Variants in MAPK10 observed in about 807,000 individuals in gnomAD.
MAPK10 encodes the protein mitogen-activated protein kinase 10.
A neutral mutation model predicts 59.3 loss-of-function variants in MAPK10; 25 were observed. That is an observed-to-expected ratio of 0.42 (90% CI 0.31 to 0.59). The LOEUF (loss-of-function observed/expected upper bound fraction) is 0.59, where lower values mean the gene tolerates loss of function less well. MAPK10 is among the 20% of genes least tolerant of loss of function. The probability of loss-of-function intolerance (pLI) is 0.15; values close to 1 mark genes in which losing one functional copy is unlikely to be tolerated. For synonymous variants in MAPK10, 190 were observed against 200.5 expected (o/e 0.95, Z 0.44); for missense variants, 351 against 568.9 (o/e 0.62, Z 3.90).
chr4:86,237,466 C>T (rs973886914), intron 2 of MAPK10, among the ~76,000 whole-genome samples: 33 of 152,194 alleles, frequency 2.2e-4, no homozygotes, highest in Non-Finnish European at 4.1e-4. Context: ...ATTTACATTC[C>T]CACCAACAGT....
chr4:86,169,677 A>G (rs899916901), intron 3 of MAPK10, among the ~76,000 whole-genome samples: 15 of 151,854 alleles, frequency 9.9e-5, no homozygotes, highest in African/African-American at 3.6e-4. Context: ...CAATGTAGCA[A>G]GGCAGGCCAA....
chr4:86,134,689 G>T (rs569240942), intron 4 of MAPK10, among the ~76,000 whole-genome samples: 215 of 152,326 alleles, frequency 1.4e-3, no homozygotes, highest in African/African-American at 4.7e-3. Context: ...GAGCCAAGAT[G>T]GCCGAATAGG....
chr4:86,279,850 C>T (rs1454370035), intron 2 of MAPK10, among the ~76,000 whole-genome samples: 2 of 151,928 alleles, frequency 1.3e-5, no homozygotes, highest in Non-Finnish European at 2.9e-5. Context: ...TCTCTGACTA[C>T]GTTGTTTCCC....
intron 1 of MAPK10, chr4:86,399,792 C>T (rs1217881332): frequency 6.6e-6 from 1 of 152,116 alleles, no homozygotes; most frequent in Non-Finnish European, 1.5e-5. Flanking sequence ...CAAATGCTGT[C>T]CTAGTGGTTT....
At chr4:86,362,756 C>T (rs1200918787), upstream of MAPK10, among the ~76,000 whole-genome samples, 2 of 152,146 alleles carry the variant, frequency 1.3e-5, no homozygotes, top group Non-Finnish European at 2.9e-5. Flanking sequence ...CCATTTCATG[C>T]CCACAAAAGT....
chr4:86,147,587 TA>T (rs1562328061), intron 4 of MAPK10, among the ~76,000 whole-genome samples: 1 of 152,212 alleles, frequency 6.6e-6, no homozygotes, highest in East Asian at 1.9e-4. Flanking sequence ...TATTAACTTA[TA>T]GTGACTATTT....
intron 1 of MAPK10, among the ~76,000 whole-genome samples, chr4:86,355,711 C>A (rs1343140478): frequency 2.0e-5 from 3 of 152,068 alleles, no homozygotes; most frequent in Non-Finnish European, 4.4e-5. Context: ...GGGGATTAAA[C>A]CTTAGTAGAG....
chr4:86,139,646 T>TCAA (rs2063145620), intron 4 of MAPK10, among the ~76,000 whole-genome samples: 1 of 152,044 alleles, frequency 6.6e-6, no homozygotes, highest in Admixed American at 6.6e-5. Context: ...GTCTAAAACA[T>TCAA]CAAAAGCAAT....
intron 1 of MAPK10, among the ~76,000 whole-genome samples, chr4:86,558,676 T>C (rs1353555821): frequency 2.0e-5 from 3 of 152,144 alleles, no homozygotes; most frequent in Admixed American, 2.0e-4. Flanking sequence ...CTCTGAGAAG[T>C]TTATATTGCC....
intron 2 of MAPK10, among the ~76,000 whole-genome samples, chr4:86,350,156 A>G (rs1730456051): frequency 6.6e-6 from 1 of 151,982 alleles, no homozygotes; most frequent in South Asian, 2.1e-4. Context: ...GGTTCAAGCG[A>G]TTCTCCTGCC....
intron 2 of MAPK10, among the ~76,000 whole-genome samples, chr4:86,214,529 A>AC (rs1412300424): frequency 1.3e-5 from 2 of 151,206 alleles, no homozygotes; most frequent in Non-Finnish European, 3.0e-5. Flanking sequence ...AAAAAAAAAA[A>AC]AAAAAACTGT....
chr4:86,351,939 A>G (rs1013087623), intron 2 of MAPK10, among the ~76,000 whole-genome samples: 2 of 152,322 alleles, frequency 1.3e-5, no homozygotes, highest in East Asian at 3.9e-4. Context: ...ACCAAAAAAC[A>G]AAAAATGGAA....
chr4:86,298,428 AC>A (rs746534517), intron 2 of MAPK10, among the ~76,000 whole-genome samples: 3 of 151,902 alleles, frequency 2.0e-5, no homozygotes, highest in Non-Finnish European at 4.4e-5. Flanking sequence ...CATATTAACC[AC>A]CCCTGTGACC....
chr4:86,261,348 A>T (rs544972117), intron 2 of MAPK10, among the ~76,000 whole-genome samples: 75 of 152,344 alleles, frequency 4.9e-4, no homozygotes, highest in African/African-American at 1.4e-3. Context: ...AACAGGAGCT[A>T]AATTTGTCTG....
intron 2 of MAPK10, among the ~76,000 whole-genome samples, chr4:86,216,401 A>AG (rs1207237312): frequency 6.6e-6 from 1 of 151,210 alleles, no homozygotes; most frequent in Non-Finnish European, 1.5e-5. Context: ...TGATAGTTGC[A>AG]CATGATCAAT....
intron 2 of MAPK10, among the ~76,000 whole-genome samples, chr4:86,227,205 C>T (rs1421121187): frequency 6.6e-6 from 1 of 152,120 alleles, no homozygotes; most frequent in African/African-American, 2.4e-5. Flanking sequence ...AAAAAAGACA[C>T]GGCCGGGTGG....
intron 9 of MAPK10, among the ~76,000 whole-genome samples, chr4:86,078,910 A>G (rs1022340637): frequency 6.6e-6 from 1 of 152,066 alleles, no homozygotes; most frequent in East Asian, 1.9e-4. Flanking sequence ...AATCACCTGA[A>G]CCCATGAGGC....
intron 1 of MAPK10, among the ~76,000 whole-genome samples, chr4:86,422,391 A>T (rs1475967262): frequency 1.3e-5 from 2 of 152,186 alleles, no homozygotes; most frequent in Non-Finnish European, 2.9e-5. Context: ...TGTGGGAATG[A>T]CTCATTAATG....
intron 2 of MAPK10, among the ~76,000 whole-genome samples, chr4:86,269,771 T>A (rs2094373242): frequency 6.6e-6 from 1 of 152,118 alleles, no homozygotes; most frequent in African/African-American, 2.4e-5. Context: ...TTAAACCTCA[T>A]CCTAATACAA....
Sources: gnomAD v4.1 joint callset for allele counts (sites outside exome capture counted in the v4.1 genomes callset) on GRCh38, gnomAD v4.1.1 for gene constraint, MANE v1.5 for transcripts, NCBI Gene and HGNC (gene_info 2026-07-23, HGNC 2026-07-21) for gene names.